Variants in WNK4 observed in about 807,000 individuals in gnomAD.
The protein encoded by WNK4 is serine/threonine-protein kinase WNK4.
WNK4 carries 94 observed loss-of-function variants against 116.2 expected under a neutral mutation model. The observed-to-expected ratio is 0.81, with a 90% CI of 0.68 to 0.96. WNK4 has a LOEUF of 0.96. WNK4 is among the 40% of genes least tolerant of loss of function. The probability of loss-of-function intolerance (pLI) is 0.00; values close to 1 mark genes in which losing one functional copy is unlikely to be tolerated. For synonymous variants in WNK4, 655 were observed against 672.7 expected, an observed-to-expected ratio of 0.97 and a Z score of 0.41; for missense variants, 1,542 against 1,650.6, an observed-to-expected ratio of 0.93 and a Z score of 1.14.
Position 42,788,412 on chromosome 17 carries a change from G to A in WNK4, c.2040+5G>A. ...TCCCGGCTGCGGGTCACTAGTGTAA[G>A]GATGGAGTACAGGAGATAGAGAGTA... is the stretch of plus-strand genomic sequence containing the variant. On this transcript the variant is annotated splice_donor_5th_base_variant and intron_variant, in intron 10 of 18. Transcript: ENST00000246914. The A allele has an allele frequency of 6.2e-7, 1 of 1,611,934 alleles. No homozygotes were observed. The highest frequency in any genetic ancestry group is 2.2e-5 in the East Asian group (1 of 44,888).
At chr17:42,789,665 AAAATAAATAAAT>A (rs3138622) in intron 11 of WNK4, among the ~76,000 whole-genome samples, 2,272 of 143,114 alleles carry the variant, frequency 0.016, 17 homozygotes, top group Middle Eastern at 0.032. Context: ...ATTCTGTCTA[AAAATAAATAAAT>A]AAATAAATAA....
At position 42,785,475 on chromosome 17, in the gene WNK4, A is replaced by G. The variant is rs923141696; in HGVS notation, c.1469A>G (p.Gln490Arg). ...LGRDAAEEVAQEMVALGLVCE... is the reference protein window; with the variant it reads ...LGRDAAEEVAREMVALGLVCE... ...CGGGACGCGGCCGAGGAGGTGGCAC[A>G]GGAGATGGTGAGCGGAGGACAGACT... The change falls in exon 6 of 19, where the codon CAG (glutamine) becomes CGG (arginine). Residue 490 changes from glutamine (Q) to arginine (R), a missense_variant. Around this residue, in one of 7 missense-constraint regions of WNK4, gnomAD observed 808 missense variants for 873.6 expected, o/e 0.92. Coordinates refer to ENST00000246914, the MANE Select transcript of WNK4 (RefSeq NM_032387.5). The G allele has an allele frequency of 1.5e-5, 24 of 1,552,184 alleles. No individual in the cohort carries two copies. The highest frequency in any genetic ancestry group is 2.1e-5 in the Non-Finnish European group (24 of 1,147,296).
chr17:42,785,194 G>GA lies in WNK4; in HGVS notation c.1259+12dup, dbSNP rs1297594965. 1 of 1,613,176 alleles carries GA rather than the reference G, an allele frequency of 6.2e-7. No homozygotes were observed. Among genetic ancestry groups the GA allele is most frequent in the African/African-American group, 1.3e-5 (1 of 74,948 alleles). ...ACGGATAAGAACGAGAGGTGGGGGT[G>GA]AAAGGGCAGAGCGTGGGTAGAATAG... On this transcript the variant is annotated intron_variant, in intron 5 of 18. Transcript: ENST00000246914.
In WNK4 at chr17:42,794,328, T is replaced by C; in HGVS notation, c.2296-286T>C. On this transcript the variant is annotated intron_variant, in intron 12 of 18. Coordinates refer to ENST00000246914, the MANE Select transcript of WNK4 (RefSeq NM_032387.5). ...AACCACTGGATACCCTTTGCCCAGA[T>C]TTGCCACTTGTTAGTGTTTTGCCAC... 3 of 509,270 alleles carry C rather than the reference T, an allele frequency of 5.9e-6. No homozygotes were observed. The South Asian group carries it at 7.5e-5, about 13-fold the overall frequency. The allele number at this position is 509,270 out of a possible 1,614,324, so 31.5% of individuals were successfully genotyped here. A position where few individuals can be genotyped will look rare whatever the true frequency, so the allele number is the denominator to read the frequency against.
chr17:42,791,500 G>A (rs1343669453), intron 11 of WNK4, among the ~76,000 whole-genome samples: 3 of 152,148 alleles, frequency 2.0e-5, no homozygotes, highest in Admixed American at 6.5e-5. Context: ...TTAGCTGGGC[G>A]TGGTGGCGCA....
rs2054470970 is a variant in WNK4 at position 42,780,672 on chromosome 17, C to T, written c.-27C>T. 1 of 1,603,134 alleles carries T rather than the reference C, an allele frequency of 6.2e-7. No individual in the cohort carries two copies. Among genetic ancestry groups the T allele is most frequent in the Admixed American group, 1.7e-5 (1 of 59,964 alleles). On this transcript the variant is annotated 5_prime_UTR_variant, in exon 1 of 19. Coordinates refer to ENST00000246914, the MANE Select transcript of WNK4 (RefSeq NM_032387.5). ...GCCTCCTCTCCGGCCGTCTGATTTT[C>T]TACCCTTCGGCGCCCTGCTCTTCCT...
At chr17:42,791,980 C>A (rs1597901795) in intron 11 of WNK4, among the ~76,000 whole-genome samples, 1 of 151,988 alleles carries the variant, frequency 6.6e-6, no homozygotes, top group Admixed American at 6.6e-5. Context: ...ATGTACCATG[C>A]CTTTCATGCT....
Position 42,783,917 on chromosome 17 carries a change from G to A in WNK4, c.792-20G>A, listed in dbSNP as rs779566864. 3 of 1,607,816 alleles carry A rather than the reference G, an allele frequency of 1.9e-6. No homozygotes were observed. In the African/African-American group the frequency reaches 4.0e-5, roughly 22 times the overall value. Reference sequence around the variant, plus strand: ...GGACGTGTCCCCCCACCAGGACTCTGGCTATGCGCCCTCCCCCAGGTACCT... The same window carrying A: ...GGACGTGTCCCCCCACCAGGACTCTAGCTATGCGCCCTCCCCCAGGTACCT... On this transcript the variant is annotated intron_variant, in intron 2 of 18. Coordinates refer to ENST00000246914, the MANE Select transcript of WNK4 (RefSeq NM_032387.5).
At chr17:42,783,566 A>G (rs930779987) in intron 2 of WNK4, 1 of 334,564 alleles carries the variant, frequency 3.0e-6, no homozygotes, top group Non-Finnish European at 5.7e-6. Flanking sequence ...CTGCCTGGGA[A>G]GTCTCCATCC....
Position 42,795,878 on chromosome 17 carries a change from G to A in WNK4, c.3276G>A (p.Lys1092=). Residue 1092 remains lysine, a synonymous_variant, in exon 16 of 19, where the codon AAG becomes AAA. Transcript: ENST00000246914. ...TTGAGGAGGAAGGAGATGATGGGAA[G>A]GAACCCCAAGTTGGGGGCAGCCCCC... ...AGVEEEGDDG[K]EPQVGGSPQP... is the part of the protein sequence containing the mutation. The A allele has an allele frequency of 1.9e-6, 3 of 1,612,108 alleles. No homozygotes were observed. Among genetic ancestry groups the A allele is most frequent in the African/African-American group, 2.7e-5 (2 of 74,954 alleles).
intron 6 of WNK4, among the ~76,000 whole-genome samples, chr17:42,786,061 A>G (rs1369859981): frequency 2.0e-5 from 3 of 152,216 alleles, no homozygotes; most frequent in Non-Finnish European, 4.4e-5. Flanking sequence ...ACATCTGTAC[A>G]TGGCTTAAAG....
In WNK4 at chr17:42,795,003, C is replaced by A; in HGVS notation, c.2582C>A (p.Ser861Tyr). The change falls in exon 14 of 19, where the codon TCT (serine) becomes TAT (tyrosine). Residue 861 changes from serine (S) to tyrosine (Y), a missense_variant. This residue lies in a region of WNK4 where 808 missense variants were observed against 873.6 expected (regional missense o/e 0.92). Coordinates refer to ENST00000246914, the MANE Select transcript of WNK4 (RefSeq NM_032387.5). ...AATCCCTCTCCACACCCCACCAGCT[C>A]TCCACTTCCATTCTCCTCCAGCACA... Reference protein sequence around the residue: ...SSNPSPHPTSSPLPFSSSTPE... With the variant: ...SSNPSPHPTSYPLPFSSSTPE... 1 of 1,613,398 alleles carries A rather than the reference C, an allele frequency of 6.2e-7. No individual in the cohort carries two copies. Among genetic ancestry groups the A allele is most frequent in the Non-Finnish European group, 8.5e-7 (1 of 1,179,836 alleles).
At chr17:42,796,054 GGAGT>G (rs756560932) in intron 16 of WNK4, 21 bp downstream of exon 16, 8 of 1,613,908 alleles carry the variant, frequency 5.0e-6, no homozygotes, top group South Asian at 1.1e-5. Context: ...GGAGGATGGA[GGAGT>G]GAGAGGAGAA....
rs1283574271 is a variant in WNK4 at position 42,793,933 on chromosome 17, A to C, written c.2295+204A>C. 6.7e-6 allele frequency: 4 copies of C among 594,928 alleles called. No homozygotes were observed. The Admixed American group carries it at 1.1e-4, about 16-fold the overall frequency. The allele number at this position is 594,928 out of a possible 1,614,324, so 36.9% of individuals were successfully genotyped here. On this transcript the variant is annotated intron_variant, in intron 12 of 18. Coordinates refer to ENST00000246914, the MANE Select transcript of WNK4 (RefSeq NM_032387.5). The stretch of plus-strand genomic sequence containing the variant: ...AGTGGCACGATCTCGGCTCACTGCA[A>C]GCTCCGCCTCCCGGGTTCACGCCAT...
chr17:42,784,803 G>T lies in WNK4; in HGVS notation c.1170+224G>T, dbSNP rs1417397763. On this transcript the variant is annotated intron_variant, in intron 4 of 18. Coordinates refer to ENST00000246914, the MANE Select transcript of WNK4 (RefSeq NM_032387.5). This position sits in a 1 kb window ranked among gnomAD's most constrained non-coding sequence, Gnocchi z 4.4. The stretch of plus-strand genomic sequence containing the variant: ...CTCCCAAGAGTTCACAAATGATTTC[G>T]CATCCCATCTCTCATCCAATCCTTC... Among the ~76,000 whole-genome samples the T allele has an allele frequency of 1.3e-5, 2 of 151,968 alleles. No individual in the cohort carries two copies. Among genetic ancestry groups the T allele is most frequent in the East Asian group, 1.9e-4 (1 of 5,188 alleles).
chr17:42,793,541 G>T lies in WNK4; in HGVS notation c.2158-51G>T, dbSNP rs766625091. ...TTTAAGATCAGAAGCAGGGGGAGAG[G>T]GATGAGTGAGATAACAAGCTCTCCC... On this transcript the variant is annotated intron_variant, in intron 11 of 18. Transcript: ENST00000246914. 45 of 1,610,042 alleles carry T rather than the reference G, an allele frequency of 2.8e-5. No homozygotes were observed. In the South Asian group the frequency reaches 5.0e-4, roughly 18 times the overall value.
At chr17:42,789,137 A>T (rs2054583513) in intron 11 of WNK4, among the ~76,000 whole-genome samples, 1 of 152,076 alleles carries the variant, frequency 6.6e-6, no homozygotes, top group Non-Finnish European at 1.5e-5. Flanking sequence ...GGATCTTGGC[A>T]AATGGGCAAG....
chr17:42,796,249 GC>G lies in WNK4; in HGVS notation c.3559del (p.Arg1187AlafsTer32). 6.2e-7 allele frequency: 1 copy of G among 1,611,880 alleles called. No homozygotes were observed. The highest frequency in any genetic ancestry group is 8.5e-7 in the Non-Finnish European group (1 of 1,179,326). ...CAGCTGCTATGCTGTCCAGCCGCCAGCGCCGCCTCTCCAAGGGCAGCTTCCC... is the reference window on the plus strand; with the variant it reads ...CAGCTGCTATGCTGTCCAGCCGCCAGGCCGCCTCTCCAAGGGCAGCTTCCC... The part of the protein sequence containing the change: ...APAAMLSSRQ[R>X]RLSKGSFPTS... On this transcript the variant is annotated frameshift_variant, in exon 17 of 19. Transcript: ENST00000246914. LOFTEE classifies it high-confidence loss of function.
rs1332621402 is a variant in WNK4, at chr17:42,794,883, C to T, written c.2462C>T (p.Thr821Ile). Residue 821 changes from threonine (T) to isoleucine (I), a missense_variant, in exon 14 of 19, where the codon ACC becomes ATC. By Grantham distance (89) the Thr-to-Ile change is moderately conservative. This residue lies in a region of WNK4 where 808 missense variants were observed against 873.6 expected (regional missense o/e 0.92). Transcript: ENST00000246914. ...CCTGGAAACCCATTTTCCCCTGGAA[C>T]CCCCATTTCCCCAGGTCCCATCTTC... ...LSPGNPFSPG[T>I]PISPGPIFPI... The T allele has an allele frequency of 1.9e-6, 3 of 1,613,174 alleles. No individual in the cohort carries two copies. The highest frequency in any genetic ancestry group is 2.2e-5 in the South Asian group (2 of 91,020).
Sources: allele counts gnomAD v4.1 joint callset (sites outside exome capture counted in the v4.1 genomes callset), GRCh38; gene constraint gnomAD v4.1.1; regional missense constraint gnomAD v4.1.1; non-coding constraint Gnocchi (gnomAD v3.1); transcripts MANE v1.5; gene names NCBI Gene and HGNC (gene_info 2026-07-23, HGNC 2026-07-21).